OCIAD1: variants seen among roughly 807,000 people sequenced by gnomAD.
OCIAD1 encodes OCIA domain containing 1.
A neutral mutation model predicts 38.9 loss-of-function variants in OCIAD1; 29 were observed. The observed-to-expected ratio is 0.74, with a 90% CI of 0.55 to 1.02. The LOEUF is 1.02. Ranked by LOEUF, OCIAD1 falls within the 50% of genes least tolerant of loss-of-function variation. The probability of loss-of-function intolerance (pLI) is 0.00; values close to 1 mark genes in which losing one functional copy is unlikely to be tolerated. For missense variants in OCIAD1, 288 were observed against 289.6 expected (o/e 0.99, Z 0.04); for synonymous variants, 110 against 92.0 (o/e 1.20, Z -1.12).
intron 1 of OCIAD1, among the ~76,000 whole-genome samples, chr4:48,811,640 G>A (rs1777089326): frequency 6.6e-6 from 1 of 152,186 alleles, no homozygotes; most frequent in African/African-American, 2.4e-5. Context: ...AGCAGAGTGA[G>A]ATCCTGTCTC....
chr4:48,858,122 G>C (rs556991071), intron 8 of OCIAD1, among the ~76,000 whole-genome samples: 2 of 152,224 alleles, frequency 1.3e-5, no homozygotes, highest in South Asian at 4.1e-4. Flanking sequence ...CCACTGCACT[G>C]CAGCCTGGAT....
chr4:48,820,995 T>C (rs942873278), intron 1 of OCIAD1, among the ~76,000 whole-genome samples: 7 of 152,134 alleles, frequency 4.6e-5, no homozygotes, highest in Non-Finnish European at 1.0e-4. Flanking sequence ...GTACCATTCG[T>C]TCTGAAACTA....
At chr4:48,846,761 A>G (rs1162396648) in intron 4 of OCIAD1, among the ~76,000 whole-genome samples, 1 of 151,926 alleles carries the variant, frequency 6.6e-6, no homozygotes, top group Admixed American at 6.6e-5. Context: ...AAAAAAAAAA[A>G]GAATTGGTAG....
At chr4:48,858,164 C>T (rs941849705) in intron 8 of OCIAD1, among the ~76,000 whole-genome samples, 6 of 151,708 alleles carry the variant, frequency 4.0e-5, no homozygotes, top group South Asian at 2.1e-4. Flanking sequence ...CCCCTCCCCC[C>T]GCCAAAAAAA....
chr4:48,809,262 C>G (rs1186072180), intron 1 of OCIAD1, among the ~76,000 whole-genome samples: 13 of 152,224 alleles, frequency 8.5e-5, no homozygotes, highest in Admixed American at 8.5e-4. Context: ...TGGCTCACGC[C>G]TGTAATCCCA....
At chr4:48,844,554 T>C (rs942454963) in intron 4 of OCIAD1, among the ~76,000 whole-genome samples, 18 of 152,096 alleles carry the variant, frequency 1.2e-4, no homozygotes, top group Non-Finnish European at 2.1e-4. Context: ...TGGCGGAGGC[T>C]GCAGTGAGCT....
At chr4:48,818,941 A>G (rs748800532) in intron 1 of OCIAD1, among the ~76,000 whole-genome samples, 8 of 152,208 alleles carry the variant, frequency 5.3e-5, no homozygotes, top group Non-Finnish European at 1.2e-4. Context: ...GACCAAACCT[A>G]CAATTGATTG....
chr4:48,821,379 T>C (rs895699982), intron 1 of OCIAD1, among the ~76,000 whole-genome samples: 1 of 152,164 alleles, frequency 6.6e-6, no homozygotes, highest in Non-Finnish European at 1.5e-5. Flanking sequence ...CTCAATAAAC[T>C]AGGTGTGGAT....
At chr4:48,829,240 A>G (rs1344221559), upstream of OCIAD1, among the ~76,000 whole-genome samples, 2 of 152,056 alleles carry the variant, frequency 1.3e-5, no homozygotes, top group Non-Finnish European at 2.9e-5. Context: ...GGTCTAGACA[A>G]TAGAGCAAGG....
chr4:48,809,245 G>A (rs1349405622), intron 1 of OCIAD1, among the ~76,000 whole-genome samples: 2 of 152,194 alleles, frequency 1.3e-5, no homozygotes, highest in East Asian at 3.8e-4. Flanking sequence ...GTAAAGGCCA[G>A]GCGCGGTGGC....
At chr4:48,834,765 G>C (rs900088489) in intron 3 of OCIAD1, among the ~76,000 whole-genome samples, 7 of 152,056 alleles carry the variant, frequency 4.6e-5, no homozygotes, top group Admixed American at 6.5e-5. Flanking sequence ...GGGTGACAGA[G>C]CCAGACCCTG....
At chr4:48,832,570 CCTAT>C (rs1777605032) in intron 1 of OCIAD1, 46 bp from the exon 2 acceptor site, 1 of 1,348,464 alleles carries the variant, frequency 7.4e-7, no homozygotes, top group African/African-American at 1.4e-5. Flanking sequence ...TTTACTTTGA[CCTAT>C]CTAGTGATAG....
At position 48,842,597 on chromosome 4, in the gene OCIAD1, A is replaced by T. The variant is rs557623704; in HGVS notation, c.140-39A>T. On this transcript the variant is annotated intron_variant, in intron 3 of 8. Coordinates refer to ENST00000264312, the MANE Select transcript of OCIAD1 (RefSeq NM_017830.4). Reference sequence around the variant, plus strand: ...TAATGAACTTTAGACAAAATCTTTTACTTTTGTTGATGTTAACAAGGTCTT... The same window carrying T: ...TAATGAACTTTAGACAAAATCTTTTTCTTTTGTTGATGTTAACAAGGTCTT... The T allele has an allele frequency of 5.3e-5, 72 of 1,364,114 alleles. 1 individual carries two copies. The South Asian group carries it at 9.0e-4, about 17-fold the overall frequency. The allele number at this position is 1,364,114 out of a possible 1,614,324, so 84.5% of individuals were successfully genotyped here.
At chr4:48,818,638 A>G (rs1777163298) in intron 1 of OCIAD1, among the ~76,000 whole-genome samples, 1 of 152,174 alleles carries the variant, frequency 6.6e-6, no homozygotes, top group Non-Finnish European at 1.5e-5. Flanking sequence ...GAGCTAAAGG[A>G]GCATGTTCCT....
upstream of OCIAD1, among the ~76,000 whole-genome samples, chr4:48,829,777 C>A (rs1412086342): frequency 1.3e-5 from 2 of 152,166 alleles, no homozygotes; most frequent in Non-Finnish European, 2.9e-5. Flanking sequence ...GTTACTAATA[C>A]TGATTATCTC....
At chr4:48,828,021 C>A (rs1777267467), upstream of OCIAD1, among the ~76,000 whole-genome samples, 1 of 152,140 alleles carries the variant, frequency 6.6e-6, no homozygotes, top group African/African-American at 2.4e-5. Context: ...TGTAAATGCA[C>A]CAATCAGCAC....
Position 48,853,267 on chromosome 4 carries a change from T to TA in OCIAD1, c.547+1293dup, listed in dbSNP as rs1307791397. Among the ~76,000 whole-genome samples the TA allele has an allele frequency of 3.9e-5, 6 of 152,328 alleles. No homozygotes were observed. In the South Asian group the frequency reaches 1.0e-3, roughly 26 times the overall value. On this transcript the variant is annotated intron_variant, in intron 7 of 8. Transcript: ENST00000264312. ...CCCTGACCTAAATTCACATAAGTTA[T>TA]ATAAACGTAGACTTTATTTACTTTG...
intron 1 of OCIAD1, among the ~76,000 whole-genome samples, chr4:48,814,020 G>A (rs1284062748): frequency 6.6e-6 from 1 of 152,140 alleles, no homozygotes; most frequent in Non-Finnish European, 1.5e-5. Flanking sequence ...GACTGAGATT[G>A]ATGTGTAGGA....
At chr4:48,834,398 C>T (rs2109519741) in intron 3 of OCIAD1, among the ~76,000 whole-genome samples, 1 of 152,336 alleles carries the variant, frequency 6.6e-6, no homozygotes, top group South Asian at 2.1e-4. Context: ...TCTTGAACTC[C>T]TGACCTTAGG....
Sources: allele counts gnomAD v4.1 joint callset (sites outside exome capture counted in the v4.1 genomes callset), GRCh38; gene constraint gnomAD v4.1.1; transcripts MANE v1.5; gene names NCBI Gene and HGNC (gene_info 2026-07-23, HGNC 2026-07-21).